The following ZBTB20 variants were observed in gnomAD, a reference collection of about 807,000 sequenced individuals.
ZBTB20 encodes zinc finger and BTB domain-containing protein 20.
In ZBTB20, 9 loss-of-function variants were observed where a neutral mutation model predicts 56.9. That is an observed-to-expected ratio of 0.16 (90% CI 0.10 to 0.28). The LOEUF is 0.28. Ranked by LOEUF, ZBTB20 falls within the 10% of genes least tolerant of loss-of-function variation. The pLI is 1.00. For synonymous variants in ZBTB20, 417 were observed against 420.7 expected, an observed-to-expected ratio of 0.99 and a Z score of 0.11; for missense variants, 655 against 1,003.0, an observed-to-expected ratio of 0.65 and a Z score of 4.69.
At chr3:114,594,507 C>T (rs893232959) in intron 6 of ZBTB20, among the ~76,000 whole-genome samples, 8 of 152,084 alleles carry the variant, frequency 5.3e-5, no homozygotes, top group South Asian at 2.1e-4. Flanking sequence ...CCTTGTGATC[C>T]GCCCACCTCG....
chr3:114,690,102 T>C (rs1159534353), intron 6 of ZBTB20, among the ~76,000 whole-genome samples: 2 of 152,184 alleles, frequency 1.3e-5, no homozygotes, highest in African/African-American at 4.8e-5. Context: ...AGTTTATTGC[T>C]AATGTTATGA....
intron 2 of ZBTB20, among the ~76,000 whole-genome samples, chr3:114,978,011 A>C (rs1436389920): frequency 1.8e-5 from 2 of 112,440 alleles, no homozygotes; most frequent in East Asian, 4.1e-4. Context: ...ACCCAGTCTC[A>C]AAAAAAAAAA....
intron 7 of ZBTB20, among the ~76,000 whole-genome samples, chr3:114,468,240 T>G: frequency 1.3e-5 from 2 of 152,312 alleles, no homozygotes; most frequent in South Asian, 4.1e-4. Context: ...ATCTTATTCT[T>G]CATTGTATTC....
chr3:114,839,087 C>G (rs773421738), intron 4 of ZBTB20, among the ~76,000 whole-genome samples: 8 of 152,070 alleles, frequency 5.3e-5, no homozygotes, highest in South Asian at 2.1e-4. Context: ...TATACATTAG[C>G]AAAACTTTGA....
rs1055063589 is a variant in ZBTB20, at chr3:114,948,968, C to T, written c.-456+25398G>A. ...TTTATGGAAATAAAAAGGAACAAGACTAACTAAAAGAATCTAAAAGATGAG... is the reference window on the plus strand; with the variant it reads ...TTTATGGAAATAAAAAGGAACAAGATTAACTAAAAGAATCTAAAAGATGAG... On this transcript the variant is annotated intron_variant, in intron 3 of 11. Coordinates refer to ENST00000675478, the MANE Select transcript of ZBTB20 (RefSeq NM_001348800.3). 1.4e-5 allele frequency among the ~76,000 whole-genome samples: 2 copies of T among 145,846 alleles called. 1 individual carries two copies. The highest frequency in any genetic ancestry group is 5.6e-5 in the African/African-American group (2 of 35,714).
At chr3:114,566,050 C>G (rs150224744) in intron 6 of ZBTB20, among the ~76,000 whole-genome samples, 1 of 151,012 alleles carries the variant, frequency 6.6e-6, no homozygotes, top group Admixed American at 6.6e-5. Flanking sequence ...TACCGACCCC[C>G]GAAAGAAACA....
At chr3:114,944,654 AATAAAGAAATCCTGTC>A (rs1428514084) in intron 3 of ZBTB20, among the ~76,000 whole-genome samples, 1 of 145,760 alleles carries the variant, frequency 6.9e-6, no homozygotes, top group Non-Finnish European at 1.5e-5. Flanking sequence ...AGCCTTAGAA[AATAAAGAAATCCTGTC>A]ATTTACAACA....
chr3:114,894,897 T>C (rs192390838), intron 4 of ZBTB20, among the ~76,000 whole-genome samples: 39 of 152,314 alleles, frequency 2.6e-4, no homozygotes, highest in African/African-American at 8.9e-4. Context: ...TTCATCATGG[T>C]CGAAACTATA....
chr3:114,495,112 C>T (rs2043135995), intron 7 of ZBTB20, among the ~76,000 whole-genome samples: 1 of 152,128 alleles, frequency 6.6e-6, no homozygotes, highest in Non-Finnish European at 1.5e-5. Context: ...CATTTATTAT[C>T]TTATGTGCAT....
chr3:114,351,993 T>C (rs972559501), intron 10 of ZBTB20, 115 bp from the exon 11 acceptor site: 6 of 1,327,382 alleles, frequency 4.5e-6, no homozygotes, highest in Non-Finnish European at 6.2e-6. Context: ...GCACTGCCCT[T>C]ACATACGCAA....
intron 6 of ZBTB20, among the ~76,000 whole-genome samples, chr3:114,560,666 C>T (rs2051905970): frequency 6.6e-6 from 1 of 152,188 alleles, no homozygotes; most frequent in African/African-American, 2.4e-5. Context: ...GTGCTCACCA[C>T]CCTCTGAGCT....
At chr3:114,787,356 TATATATATATATACAC>T (rs1484138713) in intron 5 of ZBTB20, among the ~76,000 whole-genome samples, 1 of 97,476 alleles carries the variant, frequency 1.0e-5, no homozygotes, top group East Asian at 2.7e-4. Context: ...TATATATATA[TATATATATATATACAC>T]ACACACACAC....
chr3:114,450,983 C>G (rs942978839), intron 7 of ZBTB20, among the ~76,000 whole-genome samples: 1 of 152,052 alleles, frequency 6.6e-6, no homozygotes, highest in Non-Finnish European at 1.5e-5. Flanking sequence ...ATTTCTTTCT[C>G]TTCCTTGAAT....
chr3:114,575,982 T>C (rs1208506258), intron 6 of ZBTB20, among the ~76,000 whole-genome samples: 1 of 152,168 alleles, frequency 6.6e-6, no homozygotes, highest in Non-Finnish European at 1.5e-5. Flanking sequence ...AAATACAAGG[T>C]TTAAACAAAA....
chr3:114,971,438 C>A (rs1017135860), intron 3 of ZBTB20, among the ~76,000 whole-genome samples: 1 of 152,080 alleles, frequency 6.6e-6, no homozygotes, highest in African/African-American at 2.4e-5. Context: ...ATAGTACTTA[C>A]CCCAAATAAC....
At chr3:114,466,601 C>T (rs1429750194) in intron 7 of ZBTB20, among the ~76,000 whole-genome samples, 4 of 152,194 alleles carry the variant, frequency 2.6e-5, no homozygotes, top group Admixed American at 2.6e-4. Flanking sequence ...AAGAGAACGT[C>T]CCAAAGCAAG....
intron 4 of ZBTB20, among the ~76,000 whole-genome samples, chr3:114,836,246 T>A (rs1001729093): frequency 6.6e-6 from 1 of 152,186 alleles, no homozygotes; most frequent in Non-Finnish European, 1.5e-5. Flanking sequence ...TTTTCTAGCA[T>A]TCTATAAGAG....
intron 4 of ZBTB20, among the ~76,000 whole-genome samples, chr3:114,850,687 TCTG>T (rs2074957283): frequency 6.6e-6 from 1 of 152,216 alleles, no homozygotes; most frequent in African/African-American, 2.4e-5. Context: ...ATCACTGTGT[TCTG>T]CTTCTCATAA....
intron 5 of ZBTB20, among the ~76,000 whole-genome samples, chr3:114,723,306 A>C (rs2065042520): frequency 6.6e-6 from 1 of 152,138 alleles, no homozygotes; most frequent in Non-Finnish European, 1.5e-5. Context: ...ATTCCACTTA[A>C]CACCATGCTC....
Sources: allele counts gnomAD v4.1 joint callset (sites outside exome capture counted in the v4.1 genomes callset), GRCh38; gene constraint gnomAD v4.1.1; transcripts MANE v1.5; gene names NCBI Gene and HGNC (gene_info 2026-07-23, HGNC 2026-07-21).